USH2A: variants seen among roughly 807,000 people sequenced by gnomAD.
USH2A encodes the protein usherin, also known as Usher syndrome 2A (autosomal recessive, mild).
Under a neutral mutation model 538.9 loss-of-function variants are expected in USH2A, and 443 were observed. The observed-to-expected ratio is 0.82, with a 90% CI of 0.76 to 0.89. The LOEUF is 0.89. Among genes scored for constraint, USH2A ranks in the 40% least tolerant of loss-of-function variants. The probability of loss-of-function intolerance (pLI) is 0.00; values close to 1 mark genes in which losing one functional copy is unlikely to be tolerated. For missense variants in USH2A, 6,633 were observed against 6,324.8 expected (o/e 1.05, Z -1.65); for synonymous variants, 2,413 against 2,273.5 (o/e 1.06, Z -1.75).
At chr1:215,953,887 T>A (rs1466482838) in intron 37 of USH2A, among the ~76,000 whole-genome samples, 1 of 151,642 alleles carries the variant, frequency 6.6e-6, no homozygotes, top group Non-Finnish European at 1.5e-5. Context: ...AACAACCCCA[T>A]CAAAAAGTGG....
chr1:216,001,430 C>T (rs1231199697), intron 32 of USH2A, among the ~76,000 whole-genome samples: 1 of 152,064 alleles, frequency 6.6e-6, no homozygotes, highest in Non-Finnish European at 1.5e-5. Context: ...TATTGTCTGT[C>T]TTTCTAATAG....
chr1:215,792,390 A>G (rs913656941), intron 50 of USH2A, among the ~76,000 whole-genome samples: 1 of 152,180 alleles, frequency 6.6e-6, no homozygotes, highest in Non-Finnish European at 1.5e-5. Context: ...TCTTTGGTAA[A>G]CCATTACTTC....
intron 14 of USH2A, among the ~76,000 whole-genome samples, chr1:216,219,627 T>C (rs1271453844): frequency 1.3e-5 from 2 of 152,096 alleles, no homozygotes; most frequent in African/African-American, 4.8e-5. Context: ...CAAACTAAGA[T>C]GAATTGCAAT....
chr1:215,756,256 T>C (rs1031926798), intron 58 of USH2A, among the ~76,000 whole-genome samples: 2 of 152,166 alleles, frequency 1.3e-5, no homozygotes, highest in Non-Finnish European at 1.5e-5. Flanking sequence ...GGTGGCAGTA[T>C]TGGGATATGA....
At chr1:216,218,017 T>C (rs892198462) in intron 14 of USH2A, among the ~76,000 whole-genome samples, 8 of 152,034 alleles carry the variant, frequency 5.3e-5, no homozygotes, top group Non-Finnish European at 8.8e-5. Context: ...TCCCTAAAAA[T>C]CTTAAAATTC....
intron 61 of USH2A, among the ~76,000 whole-genome samples, chr1:215,686,925 A>G (rs1255762570): frequency 6.6e-6 from 1 of 152,088 alleles, no homozygotes; most frequent in Non-Finnish European, 1.5e-5. Flanking sequence ...TGAGGCAGGA[A>G]GTATAATAAC....
intron 52 of USH2A, among the ~76,000 whole-genome samples, chr1:215,784,960 T>C (rs1558096776): frequency 6.6e-6 from 1 of 152,176 alleles, no homozygotes. Context: ...GGAAACTCAA[T>C]AATTTAAAAA....
At chr1:216,270,839 T>C (rs1448102614) in intron 11 of USH2A, among the ~76,000 whole-genome samples, 1 of 151,994 alleles carries the variant, frequency 6.6e-6, no homozygotes, top group Non-Finnish European at 1.5e-5. Flanking sequence ...CCTCCCAAAG[T>C]GCTAGGATTA....
chr1:216,180,378 T>C (rs915638689), intron 20 of USH2A, among the ~76,000 whole-genome samples: 1 of 152,118 alleles, frequency 6.6e-6, no homozygotes, highest in African/African-American at 2.4e-5. Flanking sequence ...TTAATAGGGG[T>C]AATCTAATTT....
chr1:215,715,090 T>G (rs1659446960), intron 61 of USH2A, among the ~76,000 whole-genome samples: 1 of 152,180 alleles, frequency 6.6e-6, no homozygotes, highest in African/African-American at 2.4e-5. Flanking sequence ...ACCCATCACC[T>G]AGGTATTAAG....
chr1:215,706,589 A>G (rs775069673), intron 61 of USH2A, among the ~76,000 whole-genome samples: 5 of 152,182 alleles, frequency 3.3e-5, no homozygotes, highest in Admixed American at 6.5e-5. Flanking sequence ...GTTATCACCA[A>G]TCAGAAACCA....
rs1380380218 is a variant in USH2A, at chr1:216,257,336, T to C, written c.1972-6238A>G. On this transcript the variant is annotated intron_variant, in intron 11 of 71. Coordinates refer to ENST00000307340, the MANE Select transcript of USH2A (RefSeq NM_206933.4). ...CACTATTTATTTTCTTTCATAGTTATAAGAATGTTGCCCCACTGTCTTCTT... is the reference window on the plus strand; with the variant it reads ...CACTATTTATTTTCTTTCATAGTTACAAGAATGTTGCCCCACTGTCTTCTT... Among the ~76,000 whole-genome samples, 3 of 152,150 alleles carry C rather than the reference T, an allele frequency of 2.0e-5. No individual in the cohort carries two copies. The East Asian group carries it at 5.8e-4, about 29-fold the overall frequency.
intron 64 of USH2A, among the ~76,000 whole-genome samples, chr1:215,651,368 C>CA (rs1657075978): frequency 6.6e-6 from 1 of 152,030 alleles, no homozygotes; most frequent in African/African-American, 2.4e-5. Context: ...GTACAATAGA[C>CA]AGAGTAGATG....
intron 4 of USH2A, among the ~76,000 whole-genome samples, chr1:216,332,543 C>T (rs1325000738): frequency 6.6e-6 from 1 of 152,110 alleles, no homozygotes; most frequent in Non-Finnish European, 1.5e-5. Context: ...CCTAAGGTCT[C>T]ACCTCAGCTC....
At position 215,900,084 on chromosome 1, in the gene USH2A, C is replaced by A; in HGVS notation, c.7585G>T (p.Ala2529Ser). ...TGTTCAGACCACTTACTGTCCTCTG[C>A]GGTCATGAATGGAATCCAAGAACTA... ...AHSSWIPFMT[A>S]EDKPGPVVPP... The change falls in exon 40 of 72, where the codon GCA (alanine) becomes TCA (serine). Residue 2529 changes from alanine (A) to serine (S), a missense_variant. Ala to Ser is a moderately conservative substitution (Grantham distance 99). Coordinates refer to ENST00000307340, the MANE Select transcript of USH2A (RefSeq NM_206933.4). 4 of 1,613,628 alleles carry A rather than the reference C, an allele frequency of 2.5e-6. No individual in the cohort carries two copies. Among genetic ancestry groups the A allele is most frequent in the South Asian group, 1.1e-5 (1 of 91,076 alleles).
At chr1:215,879,656 C>T (rs10495008) in intron 41 of USH2A, among the ~76,000 whole-genome samples, 1,849 of 152,276 alleles carry the variant, frequency 0.012, 23 homozygotes, top group South Asian at 0.046. Flanking sequence ...ATAGCACATC[C>T]TCTTCTCAGG....
At position 216,422,063 on chromosome 1, in the gene USH2A, A is replaced by C. The variant is rs192918169; in HGVS notation, c.274T>G (p.Ser92Ala). The C allele has an allele frequency of 5.6e-6, 9 of 1,613,840 alleles. No individual in the cohort carries two copies. The African/African-American group carries it at 9.3e-5, about 17-fold the overall frequency. Reference protein sequence around the residue: ...RFCIQDCPYRSSHPTYTALFS... With the variant: ...RFCIQDCPYRASHPTYTALFS... Reference sequence around the variant, plus strand: ...AGGGCAGTGTAGGTAGGGTGTGAAGATCTGTATGGGCAATCCTGAATACAA... The same window carrying C: ...AGGGCAGTGTAGGTAGGGTGTGAAGCTCTGTATGGGCAATCCTGAATACAA... Residue 92 changes from serine to alanine, a missense_variant, in exon 2 of 72, where the codon TCT (serine) becomes GCT (alanine). Physicochemically the swap from Ser to Ala is moderately conservative, Grantham distance 99. Coordinates refer to ENST00000307340, the MANE Select transcript of USH2A (RefSeq NM_206933.4).
chr1:215,898,144 C>A (rs1453889882), intron 40 of USH2A, among the ~76,000 whole-genome samples: 1 of 152,162 alleles, frequency 6.6e-6, no homozygotes, highest in African/African-American at 2.4e-5. Context: ...AGTGTATACA[C>A]AAAGCAGAGG....
chr1:216,286,316 G>A (rs926620947), intron 11 of USH2A, among the ~76,000 whole-genome samples: 4 of 152,170 alleles, frequency 2.6e-5, no homozygotes, highest in African/African-American at 4.8e-5. Context: ...GGCTTTCCCT[G>A]TTCCTCACTC....
Sources: gnomAD v4.1 joint callset for allele counts (sites outside exome capture counted in the v4.1 genomes callset) on GRCh38, gnomAD v4.1.1 for gene constraint, MANE v1.5 for transcripts, NCBI Gene and HGNC (gene_info 2026-07-23, HGNC 2026-07-21) for gene names.